Variants in NSMAF observed in about 807,000 individuals in gnomAD.
The protein encoded by NSMAF is protein FAN.
Under a neutral mutation model 134.9 loss-of-function variants are expected in NSMAF, and 90 were observed. The ratio of observed to expected loss-of-function variants is 0.67; its 90% confidence interval spans 0.56 to 0.79. The LOEUF is 0.79. Ranked by LOEUF, NSMAF falls within the 30% of genes least tolerant of loss-of-function variation. NSMAF has a pLI of 0.00. For missense variants in NSMAF, 1,010 were observed against 1,119.0 expected (o/e 0.90, Z 1.39); for synonymous variants, 358 against 389.6 (o/e 0.92, Z 0.96).
intron 9 of NSMAF, 70 bp from the exon 10 acceptor site, chr8:58,609,803 G>C (rs1806487044): frequency 6.9e-7 from 1 of 1,447,392 alleles, no homozygotes; most frequent in Non-Finnish European, 9.5e-7. Context: ...TTATCTAAGG[G>C]AGCTACAGTG....
intron 1 of NSMAF, among the ~76,000 whole-genome samples, chr8:58,651,428 T>A (rs1035343411): frequency 6.6e-6 from 1 of 152,180 alleles, no homozygotes; most frequent in Non-Finnish European, 1.5e-5. Flanking sequence ...ATCACTCAGC[T>A]GGACTCTAGA....
At chr8:58,623,470 A>T in intron 7 of NSMAF, 46 bp from the exon 8 acceptor site, 1 of 1,562,940 alleles carries the variant, frequency 6.4e-7, no homozygotes, top group Non-Finnish European at 8.8e-7. Context: ...CTCTCAGATG[A>T]TATGAAGTAT....
chr8:58,658,935 G>A (rs1460007259), intron 1 of NSMAF, among the ~76,000 whole-genome samples: 1 of 152,200 alleles, frequency 6.6e-6, no homozygotes, highest in Non-Finnish European at 1.5e-5. Context: ...CACTGCGCGG[G>A]GAGCAAGTGT....
At chr8:58,643,248 G>T (rs1202178115) in intron 1 of NSMAF, among the ~76,000 whole-genome samples, 175 bp from the exon 2 acceptor site, 1 of 152,170 alleles carries the variant, frequency 6.6e-6, no homozygotes, top group Non-Finnish European at 1.5e-5. Flanking sequence ...GAAGTACATA[G>T]CTGGGCTTGC....
In NSMAF at chr8:58,592,307, G is replaced by A. The variant is rs75868612; in HGVS notation, c.1952-1373C>T. Among the ~76,000 whole-genome samples, 1,143 of 151,610 alleles carry A rather than the reference G, an allele frequency of 7.5e-3. 13 individuals are homozygous for A. The highest frequency in any genetic ancestry group is 0.026 in the African/African-American group (1,083 of 41,308). ...AGCCTGGGTTCATTTCTCAGTCAGG[G>A]AACCAAAAAAATGGAAAAAGAAAAT... On this transcript the variant is annotated intron_variant, in intron 23 of 30. Transcript: ENST00000038176.
At chr8:58,634,660 T>C (rs538134501) in intron 5 of NSMAF, among the ~76,000 whole-genome samples, 75 of 152,306 alleles carry the variant, frequency 4.9e-4, no homozygotes, top group African/African-American at 1.8e-3. Context: ...TAATTAATAA[T>C]ATGACAGGAG....
intron 24 of NSMAF, among the ~76,000 whole-genome samples, chr8:58,590,452 TC>T (rs1344644852): frequency 7.9e-5 from 12 of 152,182 alleles, no homozygotes; most frequent in Non-Finnish European, 8.8e-5. Context: ...CTTCCAAAAT[TC>T]TTCAGAGAAT....
intron 1 of NSMAF, among the ~76,000 whole-genome samples, chr8:58,645,592 T>C (rs1807428782): frequency 1.3e-5 from 2 of 152,004 alleles, no homozygotes; most frequent in African/African-American, 4.8e-5. Context: ...GATCACAGCC[T>C]CTAGGATGAA....
At chr8:58,603,490 T>C (rs1425312719) in intron 12 of NSMAF, 104 bp from the exon 13 acceptor site, 2 of 1,073,108 alleles carry the variant, frequency 1.9e-6, no homozygotes, top group Admixed American at 2.6e-5. Context: ...TCTTGAAAAA[T>C]GCATTGTAAG....
chr8:58,603,592 A>G (rs911696433), intron 12 of NSMAF, among the ~76,000 whole-genome samples: 1 of 152,246 alleles, frequency 6.6e-6, no homozygotes, highest in Admixed American at 6.5e-5. Context: ...AAATTATTAA[A>G]TACACTGAGC....
chr8:58,589,736 T>A, intron 25 of NSMAF, 161 bp from the exon 26 acceptor site: 1 of 789,310 alleles, frequency 1.3e-6, no homozygotes, highest in Middle Eastern at 3.6e-4. Flanking sequence ...ATATTCAAAA[T>A]TTGAATTTAA....
At chr8:58,623,141 G>T (rs1166662552) in intron 9 of NSMAF, 79 bp downstream of exon 9, 3 of 1,099,538 alleles carry the variant, frequency 2.7e-6, no homozygotes, top group Non-Finnish European at 4.2e-6. Context: ...GATGACAGCA[G>T]GCTTGGATTT....
chr8:58,654,705 C>T (rs1021078149), intron 1 of NSMAF, among the ~76,000 whole-genome samples: 1 of 152,184 alleles, frequency 6.6e-6, no homozygotes, highest in African/African-American at 2.4e-5. Context: ...CACTAATTTC[C>T]ATCCTTGAGT....
chr8:58,652,394 A>G (rs1391837570), intron 1 of NSMAF, among the ~76,000 whole-genome samples: 1 of 152,180 alleles, frequency 6.6e-6, no homozygotes, highest in Non-Finnish European at 1.5e-5. Flanking sequence ...TGGTCCCCTG[A>G]CCATGCCAGG....
At chr8:58,610,199 T>C (rs1004041752) in intron 9 of NSMAF, among the ~76,000 whole-genome samples, 1 of 152,204 alleles carries the variant, frequency 6.6e-6, no homozygotes, top group Non-Finnish European at 1.5e-5. Flanking sequence ...AACTGTATAT[T>C]CCTTTGTATA....
intron 6 of NSMAF, among the ~76,000 whole-genome samples, chr8:58,630,221 A>G (rs146265969): frequency 3.4e-4 from 51 of 151,990 alleles, no homozygotes; most frequent in Non-Finnish European, 3.4e-4. Context: ...CACAAAGGGA[A>G]TTTGTCCATG....
At chr8:58,654,092 G>A (rs372141835) in intron 1 of NSMAF, among the ~76,000 whole-genome samples, 1 of 152,028 alleles carries the variant, frequency 6.6e-6, no homozygotes, top group Non-Finnish European at 1.5e-5. Flanking sequence ...GGGACCTATC[G>A]GCATTCCTGA....
At chr8:58,590,559 C>A (rs764312589) in intron 24 of NSMAF, among the ~76,000 whole-genome samples, 3 of 152,102 alleles carry the variant, frequency 2.0e-5, no homozygotes, top group Non-Finnish European at 4.4e-5. Context: ...CTCAGAGATG[C>A]ATAAATTAAG....
intron 2 of NSMAF, among the ~76,000 whole-genome samples, chr8:58,639,655 C>A (rs1807286951): frequency 6.6e-6 from 1 of 152,140 alleles, no homozygotes; most frequent in African/African-American, 2.4e-5. Context: ...TCTGTACTCC[C>A]ATGTTCATTA....
Sources: gnomAD v4.1 joint callset for allele counts (sites outside exome capture counted in the v4.1 genomes callset) on GRCh38, gnomAD v4.1.1 for gene constraint, MANE v1.5 for transcripts, NCBI Gene and HGNC (gene_info 2026-07-23, HGNC 2026-07-21) for gene names.